CDH13: variants seen among roughly 807,000 people sequenced by gnomAD.
CDH13 encodes the protein cadherin-13.
Under a neutral mutation model 63.8 loss-of-function variants are expected in CDH13, and 24 were observed. That is an observed-to-expected ratio of 0.38 (90% CI 0.27 to 0.53). The LOEUF (loss-of-function observed/expected upper bound fraction) is 0.53, where lower values mean the gene tolerates loss of function less well. Ranked by LOEUF, CDH13 falls within the 20% of genes least tolerant of loss-of-function variation. The probability of loss-of-function intolerance (pLI) is 0.85; values close to 1 mark genes in which losing one functional copy is unlikely to be tolerated. For missense variants in CDH13, 1,049 were observed against 903.1 expected (o/e 1.16, Z -2.07); for synonymous variants, 503 against 355.3 (o/e 1.42, Z -4.67).
At chr16:82,971,511 A>G (rs1240063649) in intron 2 of CDH13, among the ~76,000 whole-genome samples, 3 of 152,216 alleles carry the variant, frequency 2.0e-5, no homozygotes, top group Non-Finnish European at 4.4e-5. Flanking sequence ...GCCATCTACC[A>G]AGTGCATCGA....
intron 11 of CDH13, among the ~76,000 whole-genome samples, chr16:83,754,976 T>G (rs1426116426): frequency 6.6e-6 from 1 of 152,098 alleles, no homozygotes; most frequent in African/African-American, 2.4e-5. Flanking sequence ...TTACTTGACC[T>G]GTAAAGAAGC....
chr16:82,914,493 G>A (rs2041924937), intron 2 of CDH13, among the ~76,000 whole-genome samples: 1 of 152,180 alleles, frequency 6.6e-6, no homozygotes, highest in African/African-American at 2.4e-5. Context: ...AAATGTCTCA[G>A]TCATGATTCC....
intron 11 of CDH13, among the ~76,000 whole-genome samples, chr16:83,757,680 GA>G (rs1452856787): frequency 2.0e-5 from 3 of 151,520 alleles, no homozygotes; most frequent in Non-Finnish European, 4.4e-5. Flanking sequence ...GGCAAAAAAA[GA>G]AAAAAACACA....
At chr16:83,549,348 C>A (rs2075448192) in intron 7 of CDH13, among the ~76,000 whole-genome samples, 1 of 152,156 alleles carries the variant, frequency 6.6e-6, no homozygotes, top group Non-Finnish European at 1.5e-5. Flanking sequence ...AAAATATCAG[C>A]TAGAAAGGAA....
Position 83,557,857 on chromosome 16 carries a change from T to TTCGA in CDH13, c.961-44594_961-44591dup, listed in dbSNP as rs1239514886. On this transcript the variant is annotated intron_variant, in intron 7 of 13. Transcript: ENST00000567109. ...GTAGAGAGGCAATTAGGGCACATGC[T>TTCGA]TCGATCATTTTGAGTGACAGAGTCT... 1.3e-5 allele frequency among the ~76,000 whole-genome samples: 2 copies of TTCGA among 152,276 alleles called. 1 individual carries two copies. The highest frequency in any genetic ancestry group is 4.8e-5 in the African/African-American group (2 of 41,548).
intron 3 of CDH13, among the ~76,000 whole-genome samples, chr16:83,037,415 A>T (rs979831785): frequency 1.3e-5 from 2 of 152,196 alleles, no homozygotes; most frequent in African/African-American, 4.8e-5. Context: ...GGCTGCTGCC[A>T]TTGCCCATGG....
At chr16:83,056,383 C>G (rs919734535) in intron 3 of CDH13, among the ~76,000 whole-genome samples, 1 of 151,884 alleles carries the variant, frequency 6.6e-6, no homozygotes, top group Non-Finnish European at 1.5e-5. Flanking sequence ...TAGCTAAAAA[C>G]TGGAAACAAC....
intron 5 of CDH13, among the ~76,000 whole-genome samples, chr16:83,257,467 T>A (rs1906436427): frequency 6.6e-6 from 1 of 152,312 alleles, no homozygotes; most frequent in South Asian, 2.1e-4. Context: ...CCCACCCATC[T>A]TCGTTCCCTG....
chr16:82,683,373 C>T (rs565740042), intron 1 of CDH13, among the ~76,000 whole-genome samples: 16 of 152,190 alleles, frequency 1.1e-4, no homozygotes, highest in Non-Finnish European at 2.1e-4. Flanking sequence ...GTATATCTGA[C>T]TTGCTGAGCT....
intron 3 of CDH13, among the ~76,000 whole-genome samples, chr16:83,057,284 G>A (rs2031046731): frequency 6.6e-6 from 1 of 152,098 alleles, no homozygotes; most frequent in Non-Finnish European, 1.5e-5. Context: ...GTCTTTATTA[G>A]CAACCTGAGA....
chr16:82,647,270 A>G (rs914080196), intron 1 of CDH13, among the ~76,000 whole-genome samples: 1 of 152,182 alleles, frequency 6.6e-6, no homozygotes, highest in Non-Finnish European at 1.5e-5. Flanking sequence ...TAGAAGCTGG[A>G]TGTGTTTACG....
At chr16:83,437,293 A>C (rs1326451844) in intron 6 of CDH13, among the ~76,000 whole-genome samples, 2 of 152,192 alleles carry the variant, frequency 1.3e-5, no homozygotes, top group African/African-American at 4.8e-5. Context: ...TACCTCATAG[A>C]AATATTATAA....
intron 2 of CDH13, among the ~76,000 whole-genome samples, chr16:82,943,375 C>T (rs1162977603): frequency 1.3e-5 from 2 of 152,086 alleles, no homozygotes; most frequent in Non-Finnish European, 1.5e-5. Context: ...CTAATTTTGG[C>T]AAAATGACTG....
chr16:83,350,735 A>T (rs901321960), intron 6 of CDH13, among the ~76,000 whole-genome samples: 1 of 152,146 alleles, frequency 6.6e-6, no homozygotes, highest in African/African-American at 2.4e-5. Context: ...GTGCTACAAC[A>T]TAGTTGTATG....
intron 4 of CDH13, among the ~76,000 whole-genome samples, chr16:83,136,001 C>G (rs550753801): frequency 6.6e-6 from 1 of 151,918 alleles, no homozygotes; most frequent in African/African-American, 2.4e-5. Context: ...CATGATACAA[C>G]GGACTTTGGG....
intron 8 of CDH13, among the ~76,000 whole-genome samples, chr16:83,612,963 T>C (rs1179171223): frequency 1.3e-5 from 2 of 152,232 alleles, no homozygotes; most frequent in African/African-American, 4.8e-5. Flanking sequence ...AAATTCCTTT[T>C]ATTTTAAAAA....
intron 6 of CDH13, among the ~76,000 whole-genome samples, chr16:83,407,767 C>G (rs35697327): frequency 0.054 from 8,256 of 152,202 alleles, 215 homozygotes; most frequent in Non-Finnish European, 0.061. Flanking sequence ...AATTATTGTT[C>G]TCCTAAATTG....
intron 7 of CDH13, among the ~76,000 whole-genome samples, chr16:83,565,629 C>G (rs1372567291): frequency 3.3e-5 from 5 of 151,970 alleles, no homozygotes; most frequent in African/African-American, 1.2e-4. Context: ...ATTTTCATCT[C>G]CTTCTTCACG....
At chr16:83,260,097 T>TAC (rs61647390) in intron 5 of CDH13, among the ~76,000 whole-genome samples, 7,633 of 126,432 alleles carry the variant, frequency 0.06, 309 homozygotes, top group Non-Finnish European at 0.067. Context: ...GTACCCCCAA[T>TAC]ACACACACAC....
Sources: gnomAD v4.1 joint callset for allele counts (sites outside exome capture counted in the v4.1 genomes callset) on GRCh38, gnomAD v4.1.1 for gene constraint, MANE v1.5 for transcripts, NCBI Gene and HGNC (gene_info 2026-07-23, HGNC 2026-07-21) for gene names.